Variants in DHX57 observed in about 807,000 individuals in gnomAD.
The protein encoded by DHX57 is DExH-box helicase 57, also known as putative ATP-dependent RNA helicase DHX57.
A neutral mutation model predicts 156.2 loss-of-function variants in DHX57; 105 were observed. The ratio of observed to expected loss-of-function variants is 0.67; its 90% CI spans 0.57 to 0.79. The LOEUF (loss-of-function observed/expected upper bound fraction) is 0.79. DHX57 is among the 30% of genes least tolerant of loss of function. The pLI is 0.00. For missense variants in DHX57, 1,847 were observed against 1,661.9 expected, an observed-to-expected ratio of 1.11 and a Z score of -1.94; for synonymous variants, 704 against 595.6, an observed-to-expected ratio of 1.18 and a Z score of -2.65.
chr2:38,842,103 C>T (rs1672038481), intron 12 of DHX57, among the ~76,000 whole-genome samples: 1 of 152,148 alleles, frequency 6.6e-6, no homozygotes, highest in Non-Finnish European at 1.5e-5. Context: ...CAAGCCAACA[C>T]CACGGGGCCC....
At chr2:38,810,610 C>A in intron 21 of DHX57, 3 of 623,274 alleles carry the variant, frequency 4.8e-6, no homozygotes, top group Non-Finnish European at 9.1e-6. Flanking sequence ...GTACACCTGG[C>A]CCTTGAAGAT....
chr2:38,844,732 T>A (rs1165078360), intron 11 of DHX57, among the ~76,000 whole-genome samples: 2 of 150,964 alleles, frequency 1.3e-5, no homozygotes, highest in African/African-American at 5.0e-5. Flanking sequence ...GGAGGTAGCA[T>A]TCAAGTTGGG....
intron 9 of DHX57, among the ~76,000 whole-genome samples, chr2:38,849,685 G>A (rs1371153464): frequency 2.0e-5 from 3 of 152,050 alleles, no homozygotes; most frequent in African/African-American, 7.2e-5. Context: ...GTACTCTCCC[G>A]TTCATTCACT....
At chr2:38,816,895 C>T (rs1057164847) in intron 19 of DHX57, among the ~76,000 whole-genome samples, 2 of 152,050 alleles carry the variant, frequency 1.3e-5, no homozygotes, top group Admixed American at 6.6e-5. Flanking sequence ...AAAATCTACA[C>T]ATATCCTAAT....
At position 38,837,898 on chromosome 2, in the gene DHX57, CT is replaced by C; in HGVS notation, c.2474del (p.Lys825ArgfsTer2). The C allele has an allele frequency of 2.5e-6, 4 of 1,613,920 alleles. No homozygotes were observed. The highest frequency in any genetic ancestry group is 3.4e-6 in the Non-Finnish European group (4 of 1,179,844). On this transcript the variant is annotated frameshift_variant, in exon 13 of 24. Transcript: ENST00000457308. LOFTEE classifies it high-confidence loss of function. ...AGGCCTCTATTAATTCAAGATTCAC[CT>C]TTTCAAAATCCATGATGGACATTGT... ...IKTMSIMDFE[K>X]VNLELIEALL... is the part of the protein sequence containing the mutation.
intron 11 of DHX57, among the ~76,000 whole-genome samples, chr2:38,845,650 G>A (rs1672238737): frequency 6.6e-6 from 1 of 152,152 alleles, no homozygotes; most frequent in Non-Finnish European, 1.5e-5. Context: ...AGTTAATAGT[G>A]AGAAGAAACA....
intron 13 of DHX57, among the ~76,000 whole-genome samples, chr2:38,833,102 C>G (rs1572658492): frequency 6.7e-6 from 1 of 149,356 alleles, no homozygotes; most frequent in Admixed American, 6.8e-5. Flanking sequence ...GTATGCAAAA[C>G]TCCAATTTCA....
rs35121369 is a variant in DHX57, at chr2:38,863,500, T to C, written c.244A>G (p.Ser82Gly). Residue 82 changes from serine to glycine, a missense_variant, in exon 3 of 24, where the codon AGC becomes GGC. Physicochemically the swap from Ser to Gly is moderately conservative, Grantham distance 56. Transcript: ENST00000457308. ...CATTTTGGGCGTGACTCTCCTTTGC[T>C]TATGTTACTGTTGCTAGGTCTATAG... ...RPSRPSNSNI[S>G]KGESRPKWKP... The C allele has an allele frequency of 1.3e-4, 206 of 1,613,878 alleles. No individual in the cohort carries two copies. In the African/African-American group the frequency reaches 2.6e-3, roughly 20 times the overall value.
intron 9 of DHX57, 85 bp from the exon 10 acceptor site, chr2:38,848,487 AT>A (rs1672407931): frequency 9.5e-6 from 13 of 1,370,250 alleles, no homozygotes; most frequent in Admixed American, 2.4e-5. Context: ...TGAGCAAGAA[AT>A]GTGTAAGATC....
At chr2:38,807,912 C>G (rs1272122325) in intron 21 of DHX57, among the ~76,000 whole-genome samples, 1 of 138,834 alleles carries the variant, frequency 7.2e-6, no homozygotes, top group Non-Finnish European at 1.5e-5. Context: ...TCCCAAAGTG[C>G]TGGGATTACA....
At chr2:38,809,351 C>A (rs1053682575) in intron 21 of DHX57, among the ~76,000 whole-genome samples, 24 of 152,116 alleles carry the variant, frequency 1.6e-4, no homozygotes, top group African/African-American at 5.5e-4. Flanking sequence ...TCTCAAACTC[C>A]TGGCCCCATG....
Position 38,819,145 on chromosome 2 carries a change from C to T in DHX57, c.3292-1G>A, listed in dbSNP as rs1369118097. 1.2e-6 allele frequency: 2 copies of T among 1,612,486 alleles called. No individual in the cohort carries two copies. Among genetic ancestry groups the T allele is most frequent in the African/African-American group, 1.3e-5 (1 of 74,762 alleles). On this transcript the variant is annotated splice_acceptor_variant, in intron 17 of 23. Coordinates refer to ENST00000457308, the MANE Select transcript of DHX57 (RefSeq NM_198963.3). LOFTEE classifies it high-confidence loss of function. ...CTTCTTTTTTATCCCAGGGAGATAC[C>T]TAAAGGAGAGAGGAAAATCAGATTT...
At chr2:38,810,233 A>G (rs1381671675) in intron 21 of DHX57, among the ~76,000 whole-genome samples, 3 of 145,258 alleles carry the variant, frequency 2.1e-5, no homozygotes, top group Non-Finnish European at 4.5e-5. Context: ...GTCATTTTAT[A>G]GCTCCCCACT....
chr2:38,874,536 AGT>A (rs1205078279), intron 1 of DHX57, among the ~76,000 whole-genome samples: 1 of 150,078 alleles, frequency 6.7e-6, no homozygotes. Flanking sequence ...CAGCCTCCTG[AGT>A]AGCTGGGACT....
chr2:38,808,521 T>G (rs967162707), intron 21 of DHX57, among the ~76,000 whole-genome samples: 1 of 152,208 alleles, frequency 6.6e-6, no homozygotes, highest in Non-Finnish European at 1.5e-5. Flanking sequence ...GAATTTATAA[T>G]AATTTAACCA....
chr2:38,850,470 C>T (rs949404855), intron 9 of DHX57, among the ~76,000 whole-genome samples: 1 of 151,876 alleles, frequency 6.6e-6, no homozygotes, highest in Non-Finnish European at 1.5e-5. Flanking sequence ...CTATATTGCC[C>T]AGGCTGGTCT....
chr2:38,840,441 T>C (rs1258324974), intron 12 of DHX57, among the ~76,000 whole-genome samples: 1 of 151,124 alleles, frequency 6.6e-6, no homozygotes. Flanking sequence ...AGTGCAGTGG[T>C]GCAATCTGGG....
intron 17 of DHX57, among the ~76,000 whole-genome samples, chr2:38,821,716 G>C (rs1244053973): frequency 6.6e-6 from 1 of 151,886 alleles, no homozygotes; most frequent in Non-Finnish European, 1.5e-5. Flanking sequence ...AAAACCAAAA[G>C]TTGATTCTCT....
chr2:38,815,549 T>A lies in DHX57; in HGVS notation c.3578A>T (p.Asp1193Val). 1 of 1,614,128 alleles carries A rather than the reference T, an allele frequency of 6.2e-7. No homozygotes were observed. The highest frequency in any genetic ancestry group is 8.5e-7 in the Non-Finnish European group (1 of 1,180,016). Residue 1193 changes from aspartate to valine, a missense_variant, in exon 20 of 24, where the codon GAT (aspartate) becomes GTT (valine). Coordinates refer to ENST00000457308, the MANE Select transcript of DHX57 (RefSeq NM_198963.3). ...TTCTCCTGTGGCATCTAAGACACCA[T>A]CTCCTCCTTGGGCCCTTTTCTCAAT... is the stretch of plus-strand genomic sequence containing the variant. ...REIEKRAQGG[D>V]GVLDATGEEA...
Sources: allele counts gnomAD v4.1 joint callset (sites outside exome capture counted in the v4.1 genomes callset), GRCh38; gene constraint gnomAD v4.1.1; transcripts MANE v1.5; gene names NCBI Gene and HGNC (gene_info 2026-07-23, HGNC 2026-07-21).